NOTCH2: variants seen among roughly 807,000 people sequenced by gnomAD.
The protein encoded by NOTCH2 is notch receptor 2.
A neutral mutation model predicts 235.8 loss-of-function variants in NOTCH2; 29 were observed. The ratio of observed to expected loss-of-function variants is 0.12; its 90% CI spans 0.09 to 0.17. The LOEUF is 0.17. Ranked by LOEUF, NOTCH2 falls within the 10% of genes least tolerant of loss-of-function variation. NOTCH2 has a pLI of 1.00. For missense variants in NOTCH2, 2,285 were observed against 3,150.2 expected (o/e 0.73, Z 6.57); for synonymous variants, 1,086 against 1,141.5 (o/e 0.95, Z 0.98).
rs1557800634 is a variant in NOTCH2 at position 119,913,580 on chromosome 1, A to C, written c.*1726T>G. On this transcript the variant is annotated 3_prime_UTR_variant, in exon 34 of 34. Transcript: ENST00000256646. ...AACTGGCCCAAGGAGAAGAGGAAGAAAACTATTCTTTATCTACAATTAACT... is the reference window on the plus strand; with the variant it reads ...AACTGGCCCAAGGAGAAGAGGAAGACAACTATTCTTTATCTACAATTAACT... The C allele has an allele frequency of 1.7e-5, 4 of 233,212 alleles. No homozygotes were observed. In the South Asian group the frequency reaches 7.2e-4, roughly 42 times the overall value. 14.4% of individuals were successfully genotyped at this position (233,212 alleles called of 1,614,324 possible).
intron 17 of NOTCH2, among the ~76,000 whole-genome samples, chr1:119,945,712 C>A (rs1183322512): frequency 3.3e-5 from 5 of 151,950 alleles, no homozygotes; most frequent in African/African-American, 1.2e-4. Context: ...TTTCAAAATT[C>A]ATTAAGCCAA....
intron 15 of NOTCH2, chr1:119,949,970 A>G (rs1414225594): frequency 6.3e-6 from 1 of 158,002 alleles, no homozygotes; most frequent in African/African-American, 2.4e-5. Context: ...ATAACCAATC[A>G]CAAGAAGGCG....
intron 1 of NOTCH2, among the ~76,000 whole-genome samples, chr1:120,063,949 CT>C (rs1655408348): frequency 6.6e-6 from 1 of 152,192 alleles, no homozygotes. Context: ...GGCTAAGATG[CT>C]TTACCTGAGC....
At position 119,920,210 on chromosome 1, in the gene NOTCH2, G is replaced by T. The variant is rs1283978200; in HGVS notation, c.5479+19C>A. 2 of 1,613,570 alleles carry T rather than the reference G, an allele frequency of 1.2e-6. No individual in the cohort carries two copies. Among genetic ancestry groups the T allele is most frequent in the African/African-American group, 2.7e-5 (2 of 74,910 alleles). On this transcript the variant is annotated intron_variant, in intron 30 of 33. Coordinates refer to ENST00000256646, the MANE Select transcript of NOTCH2 (RefSeq NM_024408.4). ...GGCAGACACAGCCCAGTGAAGAGGG[G>T]AAGAGGCCCGGTGCTGACCTGGGCC...
intron 6 of NOTCH2, among the ~76,000 whole-genome samples, chr1:119,969,010 T>C (rs1651258532): frequency 6.6e-6 from 1 of 152,236 alleles, no homozygotes; most frequent in Non-Finnish European, 1.5e-5. Context: ...CTAGTAGTTG[T>C]TAAATTGAGA....
intron 29 of NOTCH2, among the ~76,000 whole-genome samples, chr1:119,921,159 G>C (rs587658942): frequency 1.2e-3 from 176 of 152,270 alleles, no homozygotes; most frequent in Non-Finnish European, 4.0e-4. Context: ...TGCTCCACCA[G>C]CTCCCAGCCA....
chr1:119,938,193 C>T (rs1049958104), intron 19 of NOTCH2, among the ~76,000 whole-genome samples, 183 bp from the exon 20 acceptor site: 10 of 152,114 alleles, frequency 6.6e-5, no homozygotes, highest in African/African-American at 2.2e-4. Context: ...ACCATTTTTA[C>T]GTACCGTTAA....
At chr1:119,920,794 C>A (rs587612832) in intron 29 of NOTCH2, among the ~76,000 whole-genome samples, 1 of 152,340 alleles carries the variant, frequency 6.6e-6, no homozygotes, top group Non-Finnish European at 1.5e-5. Context: ...ATGGCCATCT[C>A]CACCACAAGG....
At position 119,915,628 on chromosome 1, in the gene NOTCH2, A is replaced by T. The variant is rs1649037469; in HGVS notation, c.7094T>A (p.Val2365Glu). The T allele has an allele frequency of 1.2e-6, 2 of 1,614,034 alleles. No individual in the cohort carries two copies. Among genetic ancestry groups the T allele is most frequent in the Non-Finnish European group, 1.7e-6 (2 of 1,180,030 alleles). ...ATAGGCTGGGAGAATGGTCTGAGCT[A>T]CCTGCCCGTCCTGCTGGGGCATCAT... ...TAMMPQQDGQ[V>E]AQTILPAYHP... The change falls in exon 34 of 34, where the codon GTA (valine) becomes GAA (glutamate). Residue 2365 changes from valine to glutamate, a missense_variant. Val to Glu is a moderately radical substitution (Grantham distance 121). Coordinates refer to ENST00000256646, the MANE Select transcript of NOTCH2 (RefSeq NM_024408.4).
rs2258139 is a variant in NOTCH2 at position 119,997,119 on chromosome 1, G to A, written c.629C>T (p.Pro210Leu). 20 of 1,614,012 alleles carry A rather than the reference G, an allele frequency of 1.2e-5. No individual in the cohort carries two copies. The East Asian group carries it at 2.5e-4, about 20-fold the overall frequency. Reference protein sequence around the residue: ...NLPGSYQCQCPQGFTGQYCDS... With the variant: ...NLPGSYQCQCLQGFTGQYCDS... ...ACAGTACTGGCCTGTGAAGCCCTGA[G>A]GGCACTGGCACTGGTAGGAACCAGG... The change falls in exon 4 of 34, where the codon CCT (proline) becomes CTT (leucine). Residue 210 changes from proline (P) to leucine (L), a missense_variant. This residue lies in a region of NOTCH2 where 431 missense variants were observed against 757.8 expected (regional missense o/e 0.57). Transcript: ENST00000256646.
chr1:119,967,719 G>T, intron 7 of NOTCH2, 98 bp from the exon 8 acceptor site: 3 of 1,040,274 alleles, frequency 2.9e-6, no homozygotes, highest in Non-Finnish European at 4.5e-6. Context: ...ATCAGGGCCA[G>T]GCCTTCAATA....
chr1:119,966,289 CCACA>C (rs1214611966), intron 9 of NOTCH2, 83 bp downstream of exon 9: 2 of 867,728 alleles, frequency 2.3e-6, no homozygotes, highest in East Asian at 2.4e-5. Flanking sequence ...CATGCACAGC[CCACA>C]CACATTCTCT....
chr1:120,009,125 AAC>A lies in NOTCH2; in HGVS notation c.156-3539_156-3538del, dbSNP rs587715603. Among the ~76,000 whole-genome samples, 94 of 152,344 alleles carry A rather than the reference AAC, an allele frequency of 6.2e-4. 1 individual carries two copies. The highest frequency in any genetic ancestry group is 6.8e-3 in the Middle Eastern group (2 of 294). On this transcript the variant is annotated intron_variant, in intron 2 of 33. Transcript: ENST00000256646. Reference sequence around the variant, plus strand: ...AGGGAACAGCAAATGCAAAGGCCATAACACAGAGAGCAGCCCTAGCGTGTCTG... The same window carrying A: ...AGGGAACAGCAAATGCAAAGGCCATAACAGAGAGCAGCCCTAGCGTGTCTG...
intron 25 of NOTCH2, 73 bp downstream of exon 25, chr1:119,925,232 T>G: frequency 1.9e-6 from 3 of 1,593,766 alleles, no homozygotes; most frequent in Non-Finnish European, 2.6e-6. Flanking sequence ...CTGGAGTGGT[T>G]AGGAGCAAGA....
chr1:119,928,867 C>T (rs1649559463), intron 23 of NOTCH2, 109 bp downstream of exon 23: 2 of 917,370 alleles, frequency 2.2e-6, no homozygotes. Flanking sequence ...TGTTGTTTTT[C>T]TTATATAAGA....
chr1:119,982,539 C>T (rs925099496), intron 5 of NOTCH2, among the ~76,000 whole-genome samples: 22 of 152,306 alleles, frequency 1.4e-4, no homozygotes, highest in South Asian at 8.3e-4. Context: ...CTTTAAAACC[C>T]TTTTTTCCTT....
Position 119,925,756 on chromosome 1 carries a change from C to G in NOTCH2, c.4060G>C (p.Gly1354Arg). ...SSCGQVKCRK[G>R]EQCVHTASGP... ...GAGGCGGTGTGCACACACTGCTCCC[C>G]CTTCCTACATTTCACTTGTCCACAG... The change falls in exon 25 of 34, where the codon GGG becomes CGG. Residue 1354 changes from glycine (G) to arginine (R), a missense_variant. Physicochemically the swap from Gly to Arg is moderately radical, Grantham distance 125. This residue lies in a region of NOTCH2 where 1,173 missense variants were observed against 1,515.3 expected (regional missense o/e 0.77). Coordinates refer to ENST00000256646, the MANE Select transcript of NOTCH2 (RefSeq NM_024408.4). 1.2e-6 allele frequency: 2 copies of G among 1,614,142 alleles called. No individual in the cohort carries two copies. Among genetic ancestry groups the G allele is most frequent in the Non-Finnish European group, 1.7e-6 (2 of 1,180,016 alleles).
chr1:119,941,857 A>G, intron 17 of NOTCH2, 103 bp from the exon 18 acceptor site: 1 of 904,872 alleles, frequency 1.1e-6, no homozygotes, highest in Non-Finnish European at 1.8e-6. Flanking sequence ...GGGGCAGCAT[A>G]ATTCTGACTT....
At chr1:119,928,872 A>T in intron 23 of NOTCH2, 104 bp downstream of exon 23, 2 of 950,908 alleles carry the variant, frequency 2.1e-6, no homozygotes, top group Non-Finnish European at 3.4e-6. Flanking sequence ...TTTTTCTTAT[A>T]TAAGAAAAGC....
Sources: gnomAD v4.1 joint callset for allele counts (sites outside exome capture counted in the v4.1 genomes callset) on GRCh38, gnomAD v4.1.1 for gene constraint, gnomAD v4.1.1 regional missense constraint, MANE v1.5 for transcripts, NCBI Gene and HGNC (gene_info 2026-07-23, HGNC 2026-07-21) for gene names.